TBC1D22A: variants seen among roughly 807,000 people sequenced by gnomAD.
The protein encoded by TBC1D22A is TBC1 domain family member 22A.
TBC1D22A carries 38 observed loss-of-function variants against 60.2 expected under a neutral mutation model. The observed-to-expected ratio is 0.63, with a 90% confidence interval of 0.49 to 0.83. TBC1D22A has a LOEUF of 0.83. Among genes scored for constraint, TBC1D22A ranks in the 40% least tolerant of loss-of-function variants. The pLI is 0.00. For missense variants in TBC1D22A, 628 were observed against 701.0 expected, an observed-to-expected ratio of 0.90 and a Z score of 1.18; for synonymous variants, 302 against 281.7, an observed-to-expected ratio of 1.07 and a Z score of -0.72.
rs1479447628 is a variant in TBC1D22A at position 46,997,834 on chromosome 22, C to CA, written c.1201+126dup. The CA allele has an allele frequency of 1.4e-5, 11 of 764,620 alleles. No homozygotes were observed. The African/African-American group carries it at 1.6e-4, about 11-fold the overall frequency. 47.4% of individuals were successfully genotyped at this position (764,620 alleles called of 1,614,324 possible). ...TGGCCTGCTCAGGATCCCTCATGGGCATCCTTCTGAGACAGCTGCTGGTGC... is the reference window on the plus strand; with the variant it reads ...TGGCCTGCTCAGGATCCCTCATGGGCAATCCTTCTGAGACAGCTGCTGGTGC... On this transcript the variant is annotated intron_variant, in intron 10 of 12. Coordinates refer to ENST00000337137, the MANE Select transcript of TBC1D22A (RefSeq NM_014346.5).
At chr22:46,941,635 C>CAGGGAATATATATACGGAATATATATAT (rs1569248816) in intron 8 of TBC1D22A, among the ~76,000 whole-genome samples, 3 of 142,062 alleles carry the variant, frequency 2.1e-5, no homozygotes, top group East Asian at 2.1e-4. Context: ...AATATATATA[C>CAGGGAATATATATACGGAATATATATAT]GCGGAATATA....
chr22:47,064,835 G>T (rs541090183), intron 11 of TBC1D22A, among the ~76,000 whole-genome samples: 1 of 152,324 alleles, frequency 6.6e-6, no homozygotes, highest in Admixed American at 6.5e-5. Flanking sequence ...AAGAATAAAT[G>T]TTAACTCTCC....
At chr22:46,976,589 G>A (rs984253987) in intron 9 of TBC1D22A, among the ~76,000 whole-genome samples, 2 of 152,196 alleles carry the variant, frequency 1.3e-5, no homozygotes, top group African/African-American at 2.4e-5. Context: ...GCTCCCGGAC[G>A]ACCTGGCCGC....
intron 12 of TBC1D22A, among the ~76,000 whole-genome samples, chr22:47,147,460 A>G (rs1030218832): frequency 1.3e-5 from 2 of 152,046 alleles, no homozygotes; most frequent in African/African-American, 4.8e-5. Flanking sequence ...GGTCTGTCGG[A>G]GGGCTCCCCA....
At position 47,139,926 on chromosome 22, in the gene TBC1D22A, G is replaced by C. The variant is rs542846689; in HGVS notation, c.1425+28323G>C. On this transcript the variant is annotated intron_variant, in intron 12 of 12. Coordinates refer to ENST00000337137, the MANE Select transcript of TBC1D22A (RefSeq NM_014346.5). Reference sequence around the variant, plus strand: ...ATCATGTGACTGCTCCTATTACACTGTCAGTCTTGATTAAGATCCCACTCT... The same window carrying C: ...ATCATGTGACTGCTCCTATTACACTCTCAGTCTTGATTAAGATCCCACTCT... Among the ~76,000 whole-genome samples, 7 of 152,366 alleles carry C rather than the reference G, an allele frequency of 4.6e-5. No homozygotes were observed. In the South Asian group the frequency reaches 1.4e-3, roughly 32 times the overall value.
intron 4 of TBC1D22A, among the ~76,000 whole-genome samples, 187 bp downstream of exon 4, chr22:46,797,807 C>T (rs1023671621): frequency 1.3e-5 from 2 of 152,150 alleles, no homozygotes; most frequent in East Asian, 1.9e-4. Context: ...GCAATTTGTG[C>T]TTTAGACAAG....
At chr22:46,901,593 C>A (rs891513534) in intron 7 of TBC1D22A, among the ~76,000 whole-genome samples, 1 of 152,286 alleles carries the variant, frequency 6.6e-6, no homozygotes, top group East Asian at 1.9e-4. Flanking sequence ...AACATATAGT[C>A]AGTAGTTTTG....
At chr22:47,003,727 CTACACACACATGCCTGTACACACACACCG>C (rs2061478990) in intron 10 of TBC1D22A, among the ~76,000 whole-genome samples, 1 of 132,256 alleles carries the variant, frequency 7.6e-6, no homozygotes, top group African/African-American at 3.3e-5. Flanking sequence ...TACACACACT[CTACACACACATGCCTGTACACACACACCG>C]TACACACACA....
chr22:46,881,265 A>T (rs965608034), intron 5 of TBC1D22A, among the ~76,000 whole-genome samples: 4 of 152,092 alleles, frequency 2.6e-5, no homozygotes, highest in African/African-American at 9.7e-5. Context: ...TCATTCATCC[A>T]TTGGCATTTA....
At chr22:47,127,742 G>A (rs551241930) in intron 12 of TBC1D22A, among the ~76,000 whole-genome samples, 1 of 152,150 alleles carries the variant, frequency 6.6e-6, no homozygotes, top group South Asian at 2.1e-4. Flanking sequence ...GGTAGCAGGA[G>A]GAGCTGGGGC....
intron 10 of TBC1D22A, among the ~76,000 whole-genome samples, chr22:47,014,329 C>T (rs533000130): frequency 9.2e-5 from 14 of 152,220 alleles, no homozygotes; most frequent in African/African-American, 2.6e-4. Flanking sequence ...GGTGCTGGGA[C>T]GGGGAGAGGT....
At chr22:47,125,216 G>C (rs1259569257) in intron 12 of TBC1D22A, among the ~76,000 whole-genome samples, 2 of 152,144 alleles carry the variant, frequency 1.3e-5, no homozygotes, top group African/African-American at 2.4e-5. Flanking sequence ...CACCCCCCTG[G>C]GTTCCTCCTC....
At chr22:46,847,734 A>C (rs1024381599) in intron 4 of TBC1D22A, among the ~76,000 whole-genome samples, 3 of 152,240 alleles carry the variant, frequency 2.0e-5, no homozygotes, top group Admixed American at 2.0e-4. Context: ...CCTGTAGTAG[A>C]GGCACCCAGG....
intron 1 of TBC1D22A, 109 bp from the exon 2 acceptor site, chr22:46,792,411 T>C: frequency 6.8e-7 from 1 of 1,477,958 alleles, no homozygotes; most frequent in Non-Finnish European, 9.4e-7. Context: ...GAGGAGCTGC[T>C]TCCTTCAGTC....
intron 4 of TBC1D22A, among the ~76,000 whole-genome samples, chr22:46,838,732 G>T (rs2086626363): frequency 6.6e-6 from 1 of 152,240 alleles, no homozygotes; most frequent in South Asian, 2.1e-4. Flanking sequence ...GGGATTTATC[G>T]CTGGGATGCA....
rs2067691192 is a variant in TBC1D22A at position 46,878,638 on chromosome 22, T to G, written c.638-15T>G. On this transcript the variant is annotated splice_polypyrimidine_tract_variant and intron_variant, in intron 4 of 12. Transcript: ENST00000337137. ...TGCAAATCTTGTTTTTCCTTGTCTC[T>G]TTTTTCATCAACAGAGGAATTACGG... 1.2e-6 allele frequency: 2 copies of G among 1,612,454 alleles called. No homozygotes were observed. Among genetic ancestry groups the G allele is most frequent in the Non-Finnish European group, 1.7e-6 (2 of 1,179,304 alleles).
intron 1 of TBC1D22A, among the ~76,000 whole-genome samples, chr22:46,781,233 G>A (rs967635323): frequency 6.6e-6 from 1 of 151,744 alleles, no homozygotes; most frequent in Non-Finnish European, 1.5e-5. Flanking sequence ...GAGTGCAGTG[G>A]TGCGTGATCT....
chr22:47,107,372 T>A (rs2065674911), intron 11 of TBC1D22A, among the ~76,000 whole-genome samples: 1 of 152,300 alleles, frequency 6.6e-6, no homozygotes, highest in East Asian at 1.9e-4. Context: ...GGCTGGAGTT[T>A]AAAAACCCAG....
At chr22:46,814,632 T>G (rs1313849694) in intron 4 of TBC1D22A, among the ~76,000 whole-genome samples, 1 of 151,978 alleles carries the variant, frequency 6.6e-6, no homozygotes, top group Non-Finnish European at 1.5e-5. Context: ...TTATATATCT[T>G]CTTATATTTA....
Sources: gnomAD v4.1 joint callset for allele counts (sites outside exome capture counted in the v4.1 genomes callset) on GRCh38, gnomAD v4.1.1 for gene constraint, MANE v1.5 for transcripts, NCBI Gene and HGNC (gene_info 2026-07-23, HGNC 2026-07-21) for gene names.